Variants in FAM184A observed in about 807,000 individuals in gnomAD.
FAM184A encodes the protein family with sequence similarity 184 member A.
Under a neutral mutation model 143.8 loss-of-function variants are expected in FAM184A, and 99 were observed. That is an observed-to-expected ratio of 0.69 (90% confidence interval 0.58 to 0.81). The LOEUF is 0.81. Among genes scored for constraint, FAM184A ranks in the 40% least tolerant of loss-of-function variants. The pLI is 0.00. For missense variants in FAM184A, 1,217 were observed against 1,310.5 expected (o/e 0.93, Z 1.10); for synonymous variants, 427 against 446.4 (o/e 0.96, Z 0.55).
intron 1 of FAM184A, among the ~76,000 whole-genome samples, chr6:119,061,506 C>T (rs1310090497): frequency 1.4e-5 from 2 of 143,966 alleles, no homozygotes; most frequent in African/African-American, 2.6e-5. Flanking sequence ...CAGGTGTGTG[C>T]TACCATGCCT....
At chr6:119,126,207 C>T (rs1279340618) in intron 1 of FAM184A, among the ~76,000 whole-genome samples, 1 of 152,172 alleles carries the variant, frequency 6.6e-6, no homozygotes, top group Non-Finnish European at 1.5e-5. Context: ...GTGGGCTGCC[C>T]ACTGTTCCCT....
At chr6:119,004,238 C>T (rs1048164665) in intron 7 of FAM184A, among the ~76,000 whole-genome samples, 1 of 152,196 alleles carries the variant, frequency 6.6e-6, no homozygotes, top group African/African-American at 2.4e-5. Context: ...CAGTGGCAAC[C>T]ATCGGCCCCT....
chr6:119,144,097 G>C (rs918858017), intron 1 of FAM184A, among the ~76,000 whole-genome samples: 1 of 151,930 alleles, frequency 6.6e-6, no homozygotes, highest in African/African-American at 2.4e-5. Context: ...GGAGGCCGAG[G>C]CGGGTGGATC....
Position 119,006,534 on chromosome 6 carries a change from A to G in FAM184A, c.1728T>C (p.Leu576=), listed in dbSNP as rs1335092307. 3 of 1,614,024 alleles carry G rather than the reference A, an allele frequency of 1.9e-6. No individual in the cohort carries two copies. The South Asian group carries it at 3.3e-5, about 18-fold the overall frequency. ...LGSAEGLIAS[L]QDSQERLQNE... is the part of the protein sequence containing the mutation. Reference sequence around the variant, plus strand: ...TCTGAAGCCTTTCCTGGGAGTCCTGAAGACTAGCAATAAGTCCTTCTGCAG... The same window carrying G: ...TCTGAAGCCTTTCCTGGGAGTCCTGGAGACTAGCAATAAGTCCTTCTGCAG... The change falls in exon 7 of 18, where the codon CTT becomes CTC. Residue 576 remains leucine, a synonymous_variant. Coordinates refer to ENST00000338891, the MANE Select transcript of FAM184A (RefSeq NM_024581.6).
At chr6:119,127,106 G>T (rs933830705) in intron 1 of FAM184A, among the ~76,000 whole-genome samples, 2 of 152,188 alleles carry the variant, frequency 1.3e-5, no homozygotes, top group Non-Finnish European at 2.9e-5. Flanking sequence ...CATTCAAGTG[G>T]GAAAACAGGA....
chr6:119,072,367 G>C (rs1353083129), intron 1 of FAM184A, among the ~76,000 whole-genome samples: 1 of 152,196 alleles, frequency 6.6e-6, no homozygotes, highest in African/African-American at 2.4e-5. Flanking sequence ...CAAAGAAAAA[G>C]AGATGCTGCA....
intron 1 of FAM184A, among the ~76,000 whole-genome samples, chr6:119,128,720 T>C (rs1789442591): frequency 1.3e-5 from 2 of 152,176 alleles, no homozygotes; most frequent in South Asian, 4.1e-4. Flanking sequence ...AACCTGACTC[T>C]GGTATAGCAT....
intron 14 of FAM184A, among the ~76,000 whole-genome samples, chr6:118,967,509 GA>G (rs1404116864): frequency 1.3e-5 from 2 of 152,044 alleles, no homozygotes; most frequent in East Asian, 1.9e-4. Flanking sequence ...CATACAAACT[GA>G]AAAAAAGTTT....
At chr6:118,986,041 C>T (rs1784182589) in intron 9 of FAM184A, among the ~76,000 whole-genome samples, 1 of 152,134 alleles carries the variant, frequency 6.6e-6, no homozygotes, top group Non-Finnish European at 1.5e-5. Flanking sequence ...TGCCTGTAAT[C>T]CCAGCACTTT....
At chr6:119,085,285 A>G (rs544723991) in intron 1 of FAM184A, among the ~76,000 whole-genome samples, 1 of 152,280 alleles carries the variant, frequency 6.6e-6, no homozygotes, top group Admixed American at 6.5e-5. Context: ...CACATCTTGA[A>G]CGCTTTGCTG....
chr6:119,001,889 A>G (rs1330030243), intron 9 of FAM184A, among the ~76,000 whole-genome samples: 7 of 152,230 alleles, frequency 4.6e-5, no homozygotes. Flanking sequence ...GTCTATCATA[A>G]GCAATGCTAA....
intron 1 of FAM184A, among the ~76,000 whole-genome samples, chr6:119,033,948 G>A (rs1440624956): frequency 2.1e-4 from 25 of 120,284 alleles, no homozygotes; most frequent in African/African-American, 7.7e-4. Context: ...CCGAGATCAT[G>A]CCACTGCACT....
At chr6:119,017,055 G>A in intron 4 of FAM184A, 111 bp from the exon 5 acceptor site, 2 of 678,716 alleles carry the variant, frequency 2.9e-6, no homozygotes, top group South Asian at 4.0e-5. Flanking sequence ...AGTGCTACGG[G>A]ATCTAGACTA....
chr6:119,020,689 G>A (rs1258462370), intron 3 of FAM184A, among the ~76,000 whole-genome samples: 2 of 152,188 alleles, frequency 1.3e-5, no homozygotes, highest in Non-Finnish European at 2.9e-5. Context: ...TCAGGCAAGA[G>A]GCCAGATAAA....
intron 1 of FAM184A, chr6:119,031,535 T>G (rs1258988631): frequency 2.0e-5 from 3 of 152,248 alleles, no homozygotes; most frequent in Non-Finnish European, 4.4e-5. Flanking sequence ...TTTTATTGTT[T>G]GAGCCACTCA....
chr6:119,095,560 TTTCA>T (rs1402892487), intron 1 of FAM184A, among the ~76,000 whole-genome samples: 2 of 152,098 alleles, frequency 1.3e-5, no homozygotes, highest in Non-Finnish European at 2.9e-5. Flanking sequence ...TTTTATTTTC[TTTCA>T]TTATTTATTT....
chr6:119,063,577 C>T (rs1787336779), intron 1 of FAM184A, among the ~76,000 whole-genome samples: 1 of 152,138 alleles, frequency 6.6e-6, no homozygotes. Flanking sequence ...GCTCTTCTGG[C>T]ACGTGGCCTC....
intron 15 of FAM184A, among the ~76,000 whole-genome samples, chr6:118,966,272 A>G (rs940380750): frequency 6.6e-6 from 1 of 152,250 alleles, no homozygotes; most frequent in South Asian, 2.1e-4. Flanking sequence ...CTTCAGAGCC[A>G]TTAAGAACCC....
intron 1 of FAM184A, among the ~76,000 whole-genome samples, chr6:119,119,823 A>T (rs1336051854): frequency 6.6e-6 from 1 of 152,008 alleles, no homozygotes; most frequent in Non-Finnish European, 1.5e-5. Context: ...ACAAAAAAAT[A>T]AAAAAATAAA....
Sources: gnomAD v4.1 joint callset for allele counts (sites outside exome capture counted in the v4.1 genomes callset) on GRCh38, gnomAD v4.1.1 for gene constraint, MANE v1.5 for transcripts, NCBI Gene and HGNC (gene_info 2026-07-23, HGNC 2026-07-21) for gene names.